CTNNA3: variants seen among roughly 807,000 people sequenced by gnomAD.
CTNNA3 encodes catenin alpha-3.
A neutral mutation model predicts 95.7 loss-of-function variants in CTNNA3; 76 were observed. That is an observed-to-expected ratio of 0.79 (90% CI 0.66 to 0.96). The LOEUF is 0.96. CTNNA3 is among the 40% of genes least tolerant of loss of function. CTNNA3 has a pLI of 0.00. For synonymous variants in CTNNA3, 431 were observed against 374.4 expected (o/e 1.15, Z -1.74); for missense variants, 1,191 against 1,089.8 (o/e 1.09, Z -1.31).
At chr10:67,706,603 G>A (rs529423633) in intron 1 of CTNNA3, among the ~76,000 whole-genome samples, 2 of 152,248 alleles carry the variant, frequency 1.3e-5, no homozygotes, top group Admixed American at 1.3e-4. Context: ...CAGTGCTGGG[G>A]GAAAGGGAGG....
intron 5 of CTNNA3, among the ~76,000 whole-genome samples, chr10:67,414,580 C>G (rs1372297007): frequency 1.3e-5 from 2 of 152,248 alleles, no homozygotes; most frequent in East Asian, 1.9e-4. Context: ...CTAACTTATT[C>G]TATAAGACAA....
chr10:66,436,230 TG>T (rs898037592), intron 11 of CTNNA3, among the ~76,000 whole-genome samples: 9 of 152,162 alleles, frequency 5.9e-5, no homozygotes, highest in Admixed American at 2.6e-4. Context: ...TGAATATCCT[TG>T]TTAATTTTCT....
chr10:66,725,457 G>A (rs1366655551), intron 9 of CTNNA3, among the ~76,000 whole-genome samples: 1 of 152,102 alleles, frequency 6.6e-6, no homozygotes, highest in East Asian at 1.9e-4. Flanking sequence ...AGGAGGTTAA[G>A]ACCAGGTATC....
intron 9 of CTNNA3, among the ~76,000 whole-genome samples, chr10:66,758,941 A>G (rs1383775853): frequency 6.6e-6 from 1 of 152,154 alleles, no homozygotes; most frequent in East Asian, 1.9e-4. Flanking sequence ...GTCTCAAACA[A>G]ACAAACAAAC....
chr10:67,154,639 G>T (rs764055079), intron 7 of CTNNA3, among the ~76,000 whole-genome samples: 1 of 152,048 alleles, frequency 6.6e-6, no homozygotes, highest in African/African-American at 2.4e-5. Flanking sequence ...ATACAAACCC[G>T]CTACACGGCT....
At chr10:67,165,947 C>T (rs1328297389) in intron 7 of CTNNA3, among the ~76,000 whole-genome samples, 1 of 152,124 alleles carries the variant, frequency 6.6e-6, no homozygotes, top group African/African-American at 2.4e-5. Context: ...TGCTATGCAC[C>T]AAACAAAAAT....
intron 15 of CTNNA3, among the ~76,000 whole-genome samples, chr10:65,990,051 T>G (rs529124691): frequency 3.1e-3 from 73 of 23,372 alleles, no homozygotes; most frequent in African/African-American, 0.012. Flanking sequence ...TCTTTTTTAA[T>G]GGCTGTGTTT....
intron 7 of CTNNA3, among the ~76,000 whole-genome samples, chr10:67,133,835 C>T (rs781080731): frequency 1.3e-5 from 2 of 151,934 alleles, no homozygotes; most frequent in Non-Finnish European, 2.9e-5. Flanking sequence ...TTACATATGC[C>T]ATCTCATTTG....
intron 13 of CTNNA3, among the ~76,000 whole-genome samples, chr10:66,117,864 A>C (rs1355493566): frequency 1.3e-5 from 2 of 152,310 alleles, no homozygotes; most frequent in East Asian, 3.9e-4. Context: ...GTAAGCCATA[A>C]CACCACGGAG....
intron 17 of CTNNA3, among the ~76,000 whole-genome samples, chr10:65,949,424 A>G (rs1195781613): frequency 6.6e-6 from 1 of 151,998 alleles, no homozygotes; most frequent in East Asian, 1.9e-4. Context: ...ATCAGCAAAT[A>G]CTCCTGTCAC....
At chr10:66,122,800 G>A (rs1325092762) in intron 13 of CTNNA3, among the ~76,000 whole-genome samples, 1 of 152,196 alleles carries the variant, frequency 6.6e-6, no homozygotes, top group Non-Finnish European at 1.5e-5. Context: ...GACAAAGAGA[G>A]AGCTTGTGCA....
At chr10:67,478,271 C>T (rs1332204640) in intron 5 of CTNNA3, among the ~76,000 whole-genome samples, 1 of 152,146 alleles carries the variant, frequency 6.6e-6, no homozygotes, top group Non-Finnish European at 1.5e-5. Flanking sequence ...TGAGAGAATA[C>T]TTCAAGAATA....
chr10:67,440,190 T>C (rs1846450383), intron 5 of CTNNA3, among the ~76,000 whole-genome samples: 1 of 152,084 alleles, frequency 6.6e-6, no homozygotes, highest in African/African-American at 2.4e-5. Context: ...ACATCAGCAG[T>C]GGCCTGGAAG....
intron 9 of CTNNA3, among the ~76,000 whole-genome samples, chr10:66,686,285 C>T (rs747080944): frequency 4.6e-5 from 6 of 129,804 alleles, no homozygotes; most frequent in Middle Eastern, 4.0e-3. Flanking sequence ...GGCAACATGG[C>T]GAAACCCCAT....
At chr10:66,269,253 C>T (rs1301016849) in intron 13 of CTNNA3, among the ~76,000 whole-genome samples, 7 of 152,250 alleles carry the variant, frequency 4.6e-5, no homozygotes, top group African/African-American at 1.7e-4. Context: ...TGGGAATTTC[C>T]TTGAAGACGG....
chr10:65,972,340 A>T (rs2078121732), intron 16 of CTNNA3, among the ~76,000 whole-genome samples: 1 of 152,142 alleles, frequency 6.6e-6, no homozygotes, highest in South Asian at 2.1e-4. Context: ...CAGCCACAGC[A>T]ATCAGGCAAA....
intron 15 of CTNNA3, among the ~76,000 whole-genome samples, chr10:66,012,232 A>T (rs1433232310): frequency 6.6e-6 from 1 of 152,222 alleles, no homozygotes; most frequent in Non-Finnish European, 1.5e-5. Flanking sequence ...ATAAATAGTA[A>T]TAAGGTAGTT....
At chr10:67,672,117 T>C (rs1840447587) in intron 1 of CTNNA3, among the ~76,000 whole-genome samples, 2 of 152,232 alleles carry the variant, frequency 1.3e-5, no homozygotes, top group African/African-American at 2.4e-5. Flanking sequence ...CCAGTGATGA[T>C]GAGCATTTTT....
At chr10:66,553,512 C>CTTT (rs1451044269) in intron 10 of CTNNA3, among the ~76,000 whole-genome samples, 1 of 31,680 alleles carries the variant, frequency 3.2e-5, no homozygotes, top group African/African-American at 1.0e-4. Flanking sequence ...ATGAACAATA[C>CTTT]TTTTCTTTTT....
Sources: allele counts gnomAD v4.1 joint callset (sites outside exome capture counted in the v4.1 genomes callset), GRCh38; gene constraint gnomAD v4.1.1; transcripts MANE v1.5; gene names NCBI Gene and HGNC (gene_info 2026-07-23, HGNC 2026-07-21).